Variants in ANK3 observed in about 807,000 individuals in gnomAD.
The protein encoded by ANK3 is ankyrin 3, also known as ankyrin-3.
In ANK3, 57 loss-of-function variants were observed where a neutral mutation model predicts 370.9. The ratio of observed to expected loss-of-function variants is 0.15; its 90% confidence interval spans 0.12 to 0.19. The LOEUF is 0.19. ANK3 is among the 10% of genes least tolerant of loss of function. ANK3 has a pLI of 1.00. For synonymous variants in ANK3, 1,929 were observed against 1,946.3 expected (o/e 0.99, Z 0.23); for missense variants, 4,439 against 5,302.1 (o/e 0.84, Z 5.06).
chr10:60,469,369 G>GTATATA (rs376716334), intron 2 of ANK3, among the ~76,000 whole-genome samples: 1 of 138 alleles, frequency 7.2e-3, no homozygotes, highest in Non-Finnish European at 0.019. Flanking sequence ...CACTTTTAGT[G>GTATATA]TATATATATA....
intron 1 of ANK3, among the ~76,000 whole-genome samples, chr10:60,620,315 G>A (rs1187660117): frequency 1.3e-5 from 2 of 152,106 alleles, no homozygotes; most frequent in Non-Finnish European, 2.9e-5. Context: ...ATCAAGTTTA[G>A]TTATATTAGG....
At chr10:60,115,841 GAAGAA>G (rs936325521) in intron 25 of ANK3, among the ~76,000 whole-genome samples, 4 of 152,144 alleles carry the variant, frequency 2.6e-5, no homozygotes, top group Admixed American at 6.5e-5. Flanking sequence ...AAATAGAAGA[GAAGAA>G]GAGAATAAAG....
rs114096185 is a variant in ANK3 at position 60,230,231 on chromosome 10, A to T, written c.897+4457T>A. 3.8e-3 allele frequency among the ~76,000 whole-genome samples: 580 copies of T among 152,316 alleles called. 5 individuals are homozygous for T. The highest frequency in any genetic ancestry group is 0.013 in the African/African-American group (552 of 41,572). On this transcript the variant is annotated intron_variant, in intron 8 of 43. Coordinates refer to ENST00000280772, the MANE Select transcript of ANK3 (RefSeq NM_020987.5). ...AATGACAAGAGACCATCCACTGCAA[A>T]GTATCTTCCTTCAACATGTACCAAA... is the stretch of plus-strand genomic sequence containing the variant.
intron 2 of ANK3, among the ~76,000 whole-genome samples, chr10:60,504,375 T>G (rs570733977): frequency 1.3e-5 from 2 of 152,126 alleles, no homozygotes; most frequent in Non-Finnish European, 2.9e-5. Flanking sequence ...TTTAGAGAAA[T>G]TAAAGGGTTC....
intron 28 of ANK3, among the ~76,000 whole-genome samples, chr10:60,100,864 T>C (rs2091151368): frequency 6.6e-6 from 1 of 152,210 alleles, no homozygotes; most frequent in South Asian, 2.1e-4. Flanking sequence ...AGAGGCACTG[T>C]CCAGTAAAAA....
chr10:60,642,922 TC>T (rs34753821), intron 1 of ANK3, among the ~76,000 whole-genome samples: 102,829 of 151,898 alleles, frequency 0.68, 34,939 homozygotes, highest in South Asian at 0.83. Context: ...AACAGAAAAT[TC>T]AGCTACATAA....
chr10:60,343,916 G>A (rs1012078701), intron 1 of ANK3, among the ~76,000 whole-genome samples: 1 of 152,212 alleles, frequency 6.6e-6, no homozygotes, highest in African/African-American at 2.4e-5. Context: ...TGATGCTGAT[G>A]TAGTTAATCC....
Position 60,071,541 on chromosome 10 carries a change from C to T in ANK3, c.9340G>A (p.Val3114Ile). 1 of 1,613,934 alleles carries T rather than the reference C, an allele frequency of 6.2e-7. No homozygotes were observed. Among genetic ancestry groups the T allele is most frequent in the Non-Finnish European group, 8.5e-7 (1 of 1,179,928 alleles). ...CATTCCTGACTTATGATTTTTTTTA[C>T]ACCTCCTTGTTGTATCTCCTTTTCA... ...QYEKEIQQGG[V>I]KKIISQECKT... Residue 3114 changes from valine to isoleucine, a missense_variant, in exon 37 of 44, where the codon GTA becomes ATA. Coordinates refer to ENST00000280772, the MANE Select transcript of ANK3 (RefSeq NM_020987.5).
intron 2 of ANK3, among the ~76,000 whole-genome samples, chr10:60,414,481 G>A (rs983160013): frequency 6.6e-6 from 1 of 152,082 alleles, no homozygotes; most frequent in African/African-American, 2.4e-5. Flanking sequence ...CACAGTAAAG[G>A]ACAAGCTTGT....
intron 2 of ANK3, among the ~76,000 whole-genome samples, chr10:60,579,738 C>G (rs2077726349): frequency 6.6e-6 from 1 of 152,126 alleles, no homozygotes; most frequent in Non-Finnish European, 1.5e-5. Context: ...TTTCTCCAAC[C>G]AAATAACTGA....
chr10:60,369,838 C>T (rs1446922761), intron 1 of ANK3, among the ~76,000 whole-genome samples: 1 of 152,092 alleles, frequency 6.6e-6, no homozygotes, highest in Non-Finnish European at 1.5e-5. Flanking sequence ...ACTGCCTATA[C>T]TGATATACAA....
chr10:60,553,547 C>G (rs967071271), intron 2 of ANK3, among the ~76,000 whole-genome samples: 2 of 152,052 alleles, frequency 1.3e-5, no homozygotes, highest in African/African-American at 4.8e-5. Flanking sequence ...CAGGTGTTAT[C>G]CAGATTTTTT....
At chr10:60,205,460 C>G (rs2096748020) in intron 11 of ANK3, among the ~76,000 whole-genome samples, 1 of 152,096 alleles carries the variant, frequency 6.6e-6, no homozygotes. Flanking sequence ...GACTAAACGC[C>G]CCTTGGGGGA....
At chr10:60,148,812 G>A (rs866055690) in intron 23 of ANK3, among the ~76,000 whole-genome samples, 2 of 152,188 alleles carry the variant, frequency 1.3e-5, no homozygotes, top group African/African-American at 4.8e-5. Context: ...CAAAAATGTT[G>A]GTTCTCACTT....
chr10:60,163,917 C>T (rs2095558284), intron 23 of ANK3, among the ~76,000 whole-genome samples: 1 of 152,058 alleles, frequency 6.6e-6, no homozygotes, highest in Non-Finnish European at 1.5e-5. Flanking sequence ...CTCACTAGTT[C>T]TTGTAGATAG....
chr10:60,314,227 A>G (rs1207813171), intron 1 of ANK3, among the ~76,000 whole-genome samples: 1 of 152,224 alleles, frequency 6.6e-6, no homozygotes, highest in African/African-American at 2.4e-5. Flanking sequence ...ACAGAAACGC[A>G]TAATGCTAAT....
intron 1 of ANK3, among the ~76,000 whole-genome samples, chr10:60,287,626 A>G (rs975469276): frequency 3.9e-5 from 6 of 152,212 alleles, no homozygotes; most frequent in Non-Finnish European, 5.9e-5. Context: ...TTCAATCAAA[A>G]CAGGAATCTC....
At position 60,117,360 on chromosome 10, in the gene ANK3, C is replaced by T. The variant is rs184147013; in HGVS notation, c.2842-3029G>A. Reference sequence around the variant, plus strand: ...ATATGACAAGTAAGAAAGCTCTAAGCGAGATGAGGTAAGTAGACGAGACAC... The same window carrying T: ...ATATGACAAGTAAGAAAGCTCTAAGTGAGATGAGGTAAGTAGACGAGACAC... On this transcript the variant is annotated intron_variant, in intron 25 of 43. Coordinates refer to ENST00000280772, the MANE Select transcript of ANK3 (RefSeq NM_020987.5). Among the ~76,000 whole-genome samples, 43 of 152,122 alleles carry T rather than the reference C, an allele frequency of 2.8e-4. No individual in the cohort carries two copies. In the East Asian group the frequency reaches 7.5e-3, roughly 27 times the overall value.
intron 2 of ANK3, among the ~76,000 whole-genome samples, chr10:60,587,287 A>G (rs2077845797): frequency 6.6e-6 from 1 of 152,186 alleles, no homozygotes; most frequent in Non-Finnish European, 1.5e-5. Context: ...ATTTAAGATG[A>G]GATCTGGGTG....
Sources: gnomAD v4.1 joint callset for allele counts (sites outside exome capture counted in the v4.1 genomes callset) on GRCh38, gnomAD v4.1.1 for gene constraint, MANE v1.5 for transcripts, NCBI Gene and HGNC (gene_info 2026-07-23, HGNC 2026-07-21) for gene names.